The following NDUFS4 variants were observed in gnomAD, a reference collection of about 807,000 sequenced individuals.
NDUFS4 encodes the protein NADH:ubiquinone oxidoreductase subunit S4.
Under a neutral mutation model 24.3 loss-of-function variants are expected in NDUFS4, and 28 were observed. The ratio of observed to expected loss-of-function variants is 1.15; its 90% confidence interval spans 0.85 to 1.58. The LOEUF (loss-of-function observed/expected upper bound fraction) is 1.58, where lower values mean the gene tolerates loss of function less well. Ranked by LOEUF, NDUFS4 falls within the 40% of genes most tolerant of loss-of-function variation. The probability of loss-of-function intolerance (pLI) is 0.00; values close to 1 mark genes in which losing one functional copy is unlikely to be tolerated. For missense variants in NDUFS4, 223 were observed against 207.9 expected (o/e 1.07, Z -0.45); for synonymous variants, 93 against 69.7 (o/e 1.34, Z -1.67).
intron 1 of NDUFS4, among the ~76,000 whole-genome samples, chr5:53,577,518 A>G (rs1420053581): frequency 4.0e-5 from 6 of 151,052 alleles, no homozygotes; most frequent in South Asian, 2.1e-4. Flanking sequence ...GGGGTCTAAT[A>G]TCTATTGTTT....
intron 1 of NDUFS4, among the ~76,000 whole-genome samples, chr5:53,599,354 A>G (rs1288119659): frequency 6.6e-6 from 1 of 152,156 alleles, no homozygotes; most frequent in Non-Finnish European, 1.5e-5. Context: ...ACCATTTTCC[A>G]TAGTGGTAGT....
chr5:53,621,405 A>G (rs1185778911), intron 2 of NDUFS4, among the ~76,000 whole-genome samples: 1 of 152,090 alleles, frequency 6.6e-6, no homozygotes, highest in Non-Finnish European at 1.5e-5. Flanking sequence ...TTAAAAAATT[A>G]TGTGCAAAAT....
intron 2 of NDUFS4, among the ~76,000 whole-genome samples, chr5:53,618,118 A>C (rs1750909261): frequency 6.6e-6 from 1 of 151,990 alleles, no homozygotes; most frequent in Non-Finnish European, 1.5e-5. Flanking sequence ...TCTTCCAAAA[A>C]AAAATTAGCC....
At chr5:53,629,249 T>C (rs1751325526) in intron 2 of NDUFS4, among the ~76,000 whole-genome samples, 1 of 152,214 alleles carries the variant, frequency 6.6e-6, no homozygotes, top group Non-Finnish European at 1.5e-5. Flanking sequence ...AGAGACAGTT[T>C]CTTGTGATTT....
At chr5:53,623,743 G>A (rs375009042) in intron 2 of NDUFS4, among the ~76,000 whole-genome samples, 86 of 57,338 alleles carry the variant, frequency 1.5e-3, no homozygotes, top group African/African-American at 6.2e-3. Flanking sequence ...GTTTTGAGAC[G>A]GAATCTCCTC....
intron 2 of NDUFS4, among the ~76,000 whole-genome samples, chr5:53,626,711 C>T (rs965297770): frequency 8.5e-5 from 13 of 152,170 alleles, no homozygotes; most frequent in Non-Finnish European, 1.5e-4. Flanking sequence ...ATCCTTCACC[C>T]ACTTTTTGAT....
At chr5:53,590,202 G>A (rs990433265) in intron 1 of NDUFS4, among the ~76,000 whole-genome samples, 11 of 152,190 alleles carry the variant, frequency 7.2e-5, no homozygotes, top group Non-Finnish European at 1.2e-4. Flanking sequence ...GAACTAGGCA[G>A]TTTAGCCAGA....
At chr5:53,627,741 G>T (rs555500460) in intron 2 of NDUFS4, among the ~76,000 whole-genome samples, 40 of 152,314 alleles carry the variant, frequency 2.6e-4, no homozygotes, top group African/African-American at 9.6e-4. Flanking sequence ...TGTATCCTGA[G>T]ACTTTGCTGA....
At chr5:53,609,629 C>T (rs186269920) in intron 2 of NDUFS4, among the ~76,000 whole-genome samples, 2 of 152,298 alleles carry the variant, frequency 1.3e-5, no homozygotes, top group Non-Finnish European at 2.9e-5. Context: ...GCGTTGACTT[C>T]TCTCTAGCTA....
intron 3 of NDUFS4, among the ~76,000 whole-genome samples, chr5:53,653,161 T>C (rs556989294): frequency 3.4e-5 from 3 of 88,226 alleles, no homozygotes; most frequent in Non-Finnish European, 6.0e-5. Context: ...TTTAAAAATG[T>C]TTTTTTTGTT....
chr5:53,678,923 A>G (rs142956072), intron 4 of NDUFS4, among the ~76,000 whole-genome samples: 116 of 152,254 alleles, frequency 7.6e-4, no homozygotes, highest in African/African-American at 2.6e-3. Context: ...ACATTCGAGT[A>G]TAGTGGGACC....
At chr5:53,625,640 T>C (rs1751196787) in intron 2 of NDUFS4, among the ~76,000 whole-genome samples, 1 of 152,190 alleles carries the variant, frequency 6.6e-6, no homozygotes. Context: ...TTTCTATTAA[T>C]CCCTTACAGT....
intron 2 of NDUFS4, among the ~76,000 whole-genome samples, chr5:53,611,700 G>A (rs1435869810): frequency 6.6e-6 from 1 of 152,020 alleles, no homozygotes; most frequent in African/African-American, 2.4e-5. Flanking sequence ...TTTTGTTGCA[G>A]GAGGAGCTGT....
chr5:53,573,002 C>T, intron 1 of NDUFS4, among the ~76,000 whole-genome samples: 1 of 133,556 alleles, frequency 7.5e-6, no homozygotes. Context: ...CCAGGTCTTG[C>T]TCTGTTACTC....
chr5:53,658,631 T>G lies in NDUFS4; in HGVS notation c.424+7T>G, dbSNP rs754062091. Reference sequence around the variant, plus strand: ...TCCTTTGCAGAAAAAAATGGTATGTTTGGTCTGTTTTTGACAAAGTCAAGA... The same window carrying G: ...TCCTTTGCAGAAAAAAATGGTATGTGTGGTCTGTTTTTGACAAAGTCAAGA... On this transcript the variant is annotated splice_region_variant and intron_variant, in intron 4 of 4. Coordinates refer to ENST00000296684, the MANE Select transcript of NDUFS4 (RefSeq NM_002495.4). The G allele has an allele frequency of 3.7e-6, 6 of 1,602,654 alleles. No individual in the cohort carries two copies. Among genetic ancestry groups the G allele is most frequent in the Non-Finnish European group, 5.1e-6 (6 of 1,172,228 alleles).
intron 1 of NDUFS4, among the ~76,000 whole-genome samples, chr5:53,591,458 T>C (rs1749953542): frequency 1.9e-5 from 1 of 53,062 alleles, no homozygotes; most frequent in Non-Finnish European, 4.9e-5. Context: ...TGTTTGTTTT[T>C]TTTGGGGGGG....
chr5:53,579,022 A>G (rs549251669), intron 1 of NDUFS4, among the ~76,000 whole-genome samples: 9 of 152,198 alleles, frequency 5.9e-5, no homozygotes, highest in Non-Finnish European at 1.3e-4. Flanking sequence ...CCACTGAAAT[A>G]GCTTTGATCA....
At chr5:53,631,335 C>T (rs569371706) in intron 2 of NDUFS4, among the ~76,000 whole-genome samples, 1 of 152,292 alleles carries the variant, frequency 6.6e-6, no homozygotes, top group South Asian at 2.1e-4. Context: ...TACTGGGAGG[C>T]GTCTCCTGGT....
chr5:53,677,741 C>G (rs1237520278), intron 4 of NDUFS4, among the ~76,000 whole-genome samples: 1 of 152,212 alleles, frequency 6.6e-6, no homozygotes, highest in East Asian at 1.9e-4. Context: ...CTTTGCTCTT[C>G]TGATCCCATG....
Sources: gnomAD v4.1 joint callset for allele counts (sites outside exome capture counted in the v4.1 genomes callset) on GRCh38, gnomAD v4.1.1 for gene constraint, MANE v1.5 for transcripts, NCBI Gene and HGNC (gene_info 2026-07-23, HGNC 2026-07-21) for gene names.